Variants in PPARGC1A observed in about 807,000 individuals in gnomAD.
PPARGC1A encodes peroxisome proliferator-activated receptor gamma coactivator 1-alpha.
A neutral mutation model predicts 88.7 loss-of-function variants in PPARGC1A; 25 were observed. The ratio of observed to expected loss-of-function variants is 0.28; its 90% CI spans 0.21 to 0.39. The LOEUF is 0.39. Ranked by LOEUF, PPARGC1A falls within the 10% of genes least tolerant of loss-of-function variation. PPARGC1A has a pLI of 1.00. For missense variants in PPARGC1A, 880 were observed against 968.7 expected (o/e 0.91, Z 1.22); for synonymous variants, 363 against 355.6 (o/e 1.02, Z -0.24).
chr4:24,063,686 G>C, the PPARGC1A span, among the ~76,000 whole-genome samples: 1 of 152,156 alleles, frequency 6.6e-6, no homozygotes, highest in Non-Finnish European at 1.5e-5. Flanking sequence ...AAAGAGGAGA[G>C]AAGGGGCACT....
the PPARGC1A span, among the ~76,000 whole-genome samples, chr4:24,441,204 T>G: frequency 7.7e-3 from 1,172 of 152,320 alleles, 10 homozygotes; most frequent in African/African-American, 0.025. Context: ...ACCCAGAATG[T>G]CATGCTGCCT....
the PPARGC1A span, among the ~76,000 whole-genome samples, chr4:24,095,420 G>A: frequency 4.6e-5 from 7 of 152,004 alleles, no homozygotes; most frequent in South Asian, 2.1e-4. Flanking sequence ...CACCACACCC[G>A]GCCAGAGATA....
chr4:24,009,053 C>G, the PPARGC1A span, among the ~76,000 whole-genome samples: 2 of 146,118 alleles, frequency 1.4e-5, no homozygotes, highest in African/African-American at 5.1e-5. Flanking sequence ...GGAAGACCTT[C>G]ACATAACTTT....
the PPARGC1A span, among the ~76,000 whole-genome samples, chr4:24,139,086 C>T: frequency 2.0e-5 from 3 of 152,024 alleles, no homozygotes; most frequent in African/African-American, 7.2e-5. Context: ...GTGTGTTAAA[C>T]TATTTCAACC....
the PPARGC1A span, among the ~76,000 whole-genome samples, chr4:24,291,548 G>C: frequency 2.0e-5 from 3 of 152,164 alleles, no homozygotes; most frequent in Admixed American, 2.0e-4. Flanking sequence ...ATCCCAAGGG[G>C]TAGGTGGTTT....
the PPARGC1A span, among the ~76,000 whole-genome samples, chr4:24,112,912 C>T: frequency 6.6e-6 from 1 of 152,112 alleles, no homozygotes; most frequent in Non-Finnish European, 1.5e-5. Context: ...GAAGCCGGGC[C>T]AAGAGAAGCT....
chr4:24,415,198 A>AT, the PPARGC1A span, among the ~76,000 whole-genome samples: 1 of 151,886 alleles, frequency 6.6e-6, no homozygotes, highest in Non-Finnish European at 1.5e-5. Flanking sequence ...AAAAAAAAAA[A>AT]GGAAAGAAAG....
chr4:24,078,104 A>AT, the PPARGC1A span, among the ~76,000 whole-genome samples: 3,489 of 150,112 alleles, frequency 0.023, 141 homozygotes, highest in African/African-American at 0.075. Flanking sequence ...GTTTCCTCAA[A>AT]TTTTTTTTTT....
chr4:24,000,337 C>A, the PPARGC1A span, among the ~76,000 whole-genome samples: 15 of 152,208 alleles, frequency 9.9e-5, no homozygotes, highest in South Asian at 3.1e-3. Context: ...AACAGTTACC[C>A]CTTGCAATTT....
chr4:23,907,599 C>T (rs944532235), upstream of PPARGC1A, among the ~76,000 whole-genome samples: 6 of 152,068 alleles, frequency 3.9e-5, no homozygotes, highest in African/African-American at 7.2e-5. Context: ...TTTTCCATCT[C>T]GAAAATGGGG....
the PPARGC1A span, among the ~76,000 whole-genome samples, chr4:23,984,266 T>C: frequency 1.3e-5 from 2 of 152,050 alleles, no homozygotes; most frequent in Non-Finnish European, 2.9e-5. Flanking sequence ...TGTTCTTCTA[T>C]GCTCTCATAG....
chr4:24,064,219 G>A, the PPARGC1A span, among the ~76,000 whole-genome samples: 5 of 152,230 alleles, frequency 3.3e-5, no homozygotes, highest in South Asian at 8.3e-4. Context: ...AAAAACAACT[G>A]GGAAGAACAA....
the PPARGC1A span, among the ~76,000 whole-genome samples, chr4:24,363,372 T>A: frequency 3.3e-5 from 5 of 152,196 alleles, no homozygotes; most frequent in African/African-American, 1.2e-4. Context: ...TGAATTATAG[T>A]GGAAATCATA....
the PPARGC1A span, among the ~76,000 whole-genome samples, chr4:24,415,019 G>A: frequency 0.036 from 5,549 of 152,040 alleles, 315 homozygotes; most frequent in African/African-American, 0.12. Context: ...GTGAAACCCC[G>A]TCTCTACTAA....
the PPARGC1A span, among the ~76,000 whole-genome samples, chr4:24,134,240 C>G: frequency 6.6e-6 from 1 of 152,212 alleles, no homozygotes; most frequent in Non-Finnish European, 1.5e-5. Context: ...AAGGGAAATA[C>G]AAATTTTGAT....
At chr4:24,253,902 G>C in the PPARGC1A span, among the ~76,000 whole-genome samples, 1 of 152,176 alleles carries the variant, frequency 6.6e-6, no homozygotes, top group Admixed American at 6.5e-5. Context: ...GCTATGTTAA[G>C]TAGCTATCCT....
At chr4:24,168,119 A>C in the PPARGC1A span, among the ~76,000 whole-genome samples, 2 of 152,234 alleles carry the variant, frequency 1.3e-5, no homozygotes, top group Admixed American at 6.5e-5. Flanking sequence ...CACTTCAAAA[A>C]CTACAGTATA....
the PPARGC1A span, among the ~76,000 whole-genome samples, chr4:24,036,581 T>C: frequency 6.6e-6 from 1 of 151,198 alleles, no homozygotes; most frequent in Non-Finnish European, 1.5e-5. Flanking sequence ...CACAAATATA[T>C]GTAAGAACAT....
At chr4:23,991,342 G>A in the PPARGC1A span, among the ~76,000 whole-genome samples, 1 of 152,090 alleles carries the variant, frequency 6.6e-6, no homozygotes, top group Admixed American at 6.6e-5. Flanking sequence ...TATTTGTCAA[G>A]TAGATCAAAC....
Sources: allele counts gnomAD v4.1 joint callset (sites outside exome capture counted in the v4.1 genomes callset), GRCh38; gene constraint gnomAD v4.1.1; transcripts MANE v1.5; gene names NCBI Gene and HGNC (gene_info 2026-07-23, HGNC 2026-07-21).